The following IL1RAPL1 variants were observed in gnomAD, a reference collection of about 807,000 sequenced individuals.
The protein encoded by IL1RAPL1 is interleukin-1 receptor accessory protein-like 1.
IL1RAPL1 carries 3 observed loss-of-function variants against 48.4 expected under a neutral mutation model. The observed-to-expected ratio is 0.06, with a 90% confidence interval of 0.03 to 0.16. The LOEUF is 0.16. IL1RAPL1 is among the 10% of genes least tolerant of loss of function. IL1RAPL1 has a pLI of 1.00. For missense variants in IL1RAPL1, 349 were observed against 530.6 expected (o/e 0.66, Z 3.36); for synonymous variants, 185 against 187.7 (o/e 0.99, Z 0.12).
intron 2 of IL1RAPL1, among the ~76,000 whole-genome samples, chrX:29,192,200 C>G: frequency 8.9e-6 from 1 of 112,044 alleles, no homozygotes; most frequent in Non-Finnish European, 1.9e-5. Context: ...CAACTTCTTA[C>G]CCCTTTATGC....
chrX:29,406,186 A>G lies in IL1RAPL1; in HGVS notation c.703+6878A>G, dbSNP rs369430500. On this transcript the variant is annotated intron_variant, in intron 5 of 10. Transcript: ENST00000378993. ...GGGCGGATCACAAGGTCAGGAGATC[A>G]AGACCATCCTGGCTAACATGGTGGA... is the stretch of plus-strand genomic sequence containing the variant. Among the ~76,000 whole-genome samples the G allele has an allele frequency of 5.5e-3, 607 of 111,340 alleles. 2 individuals carry two copies. Among genetic ancestry groups the G allele is most frequent in the Middle Eastern group, 9.2e-3 (2 of 218 alleles).
intron 2 of IL1RAPL1, among the ~76,000 whole-genome samples, chrX:29,075,897 G>A (rs924808635): frequency 2.7e-5 from 3 of 111,573 alleles, no homozygotes; most frequent in African/African-American, 9.7e-5. Context: ...TAAAAAGGTC[G>A]TCGTTTGCTT....
intron 2 of IL1RAPL1, among the ~76,000 whole-genome samples, chrX:29,179,786 T>C (rs942745588): frequency 7.2e-5 from 8 of 111,769 alleles, no homozygotes; most frequent in African/African-American, 2.6e-4. Flanking sequence ...TGAGTCCTTA[T>C]AAGAGTACAT....
At chrX:29,529,836 G>A (rs1392132931) in intron 5 of IL1RAPL1, among the ~76,000 whole-genome samples, 1 of 111,465 alleles carries the variant, frequency 9.0e-6, no homozygotes, top group Admixed American at 9.5e-5. Context: ...AGGGAAGAGA[G>A]AATGATAAAG....
At chrX:28,703,974 G>A (rs761779759) in intron 1 of IL1RAPL1, among the ~76,000 whole-genome samples, 1 of 111,721 alleles carries the variant, frequency 9.0e-6, no homozygotes, top group South Asian at 3.7e-4. Context: ...GCTATGAGTG[G>A]TAGAGGCTGT....
intron 2 of IL1RAPL1, among the ~76,000 whole-genome samples, chrX:28,938,823 A>G (rs1483795209): frequency 9.0e-6 from 1 of 110,909 alleles, no homozygotes; most frequent in Non-Finnish European, 1.9e-5. Flanking sequence ...ACTTAAAAAA[A>G]TTTGAAGCAA....
chrX:29,238,335 C>T (rs769690861), intron 2 of IL1RAPL1, among the ~76,000 whole-genome samples: 17 of 111,676 alleles, frequency 1.5e-4, no homozygotes, highest in Non-Finnish European at 2.8e-4. Flanking sequence ...TGAGAGTGGA[C>T]GATTTTGGTT....
chrX:29,608,780 C>T (rs1056983964), intron 5 of IL1RAPL1, among the ~76,000 whole-genome samples: 2 of 105,485 alleles, frequency 1.9e-5, no homozygotes, highest in African/African-American at 7.0e-5. Context: ...GAGCCGAGAT[C>T]TCACCACTGC....
chrX:29,925,406 G>A (rs961439453), intron 8 of IL1RAPL1, among the ~76,000 whole-genome samples: 8 of 21,224 alleles, frequency 3.8e-4, no homozygotes, highest in Non-Finnish European at 7.3e-4. Flanking sequence ...CTTCTGTCCC[G>A]TAACTGTTTT....
chrX:28,838,638 G>A (rs1446777319), intron 2 of IL1RAPL1, among the ~76,000 whole-genome samples: 1 of 110,000 alleles, frequency 9.1e-6, no homozygotes, highest in African/African-American at 3.3e-5. Context: ...ACAAACTCGG[G>A]TTTTTGTCTT....
chrX:29,616,797 A>G (rs1036196147), intron 5 of IL1RAPL1, among the ~76,000 whole-genome samples: 12 of 111,483 alleles, frequency 1.1e-4, no homozygotes, highest in African/African-American at 3.9e-4. Flanking sequence ...CCCACAGTTT[A>G]GGTGGAAAAG....
intron 2 of IL1RAPL1, among the ~76,000 whole-genome samples, chrX:29,129,876 G>A (rs1197036281): frequency 1.8e-5 from 2 of 111,421 alleles, no homozygotes; most frequent in African/African-American, 6.5e-5. Flanking sequence ...TTACAGGCGT[G>A]AGCCACTGCG....
chrX:29,323,711 T>A lies in IL1RAPL1; in HGVS notation c.362+40494T>A, dbSNP rs12834400. ...ACTACCTACCAACTCATACTGAATT[T>A]TTTATATATATATATATATATATAT... On this transcript the variant is annotated intron_variant, in intron 3 of 10. Transcript: ENST00000378993. Among the ~76,000 whole-genome samples the A allele has an allele frequency of 9.3e-3, 119 of 12,766 alleles. 37 individuals are homozygous for A. The highest frequency in any genetic ancestry group is 0.029 in the African/African-American group (105 of 3,588). 11.1% of individuals were successfully genotyped at this position (12,766 alleles called of 115,157 possible).
intron 3 of IL1RAPL1, among the ~76,000 whole-genome samples, chrX:29,393,214 C>T (rs760394222): frequency 7.2e-4 from 80 of 111,841 alleles, no homozygotes; most frequent in Middle Eastern, 4.6e-3. Context: ...CTCCGCCTCC[C>T]GGGTTCACGC....
chrX:29,695,699 C>T (rs191347224), intron 6 of IL1RAPL1, among the ~76,000 whole-genome samples: 11 of 110,042 alleles, frequency 1.0e-4, no homozygotes, highest in South Asian at 4.0e-4. Context: ...TTCATCCTTA[C>T]GTCATAATTA....
intron 5 of IL1RAPL1, among the ~76,000 whole-genome samples, chrX:29,525,862 C>T (rs1405033513): frequency 1.8e-5 from 2 of 111,709 alleles, no homozygotes; most frequent in Non-Finnish European, 3.8e-5. Flanking sequence ...CACATGAAGC[C>T]CCTGACATCT....
intron 1 of IL1RAPL1, among the ~76,000 whole-genome samples, chrX:28,748,580 A>G (rs1470867520): frequency 8.9e-6 from 1 of 112,085 alleles, no homozygotes; most frequent in African/African-American, 3.2e-5. Flanking sequence ...TGATTCATGA[A>G]TTACCAACAA....
intron 1 of IL1RAPL1, among the ~76,000 whole-genome samples, chrX:28,592,934 G>A (rs141327482): frequency 0.025 from 2,786 of 111,499 alleles, 88 homozygotes; most frequent in African/African-American, 0.083. Context: ...ATGTCTTATG[G>A]CAATACTTTA....
chrX:28,619,564 G>A (rs1487106965), intron 1 of IL1RAPL1, among the ~76,000 whole-genome samples: 2 of 96,154 alleles, frequency 2.1e-5, no homozygotes, highest in Admixed American at 2.5e-4. Flanking sequence ...CTGAGATCAC[G>A]ACACTGCATT....
Sources: allele counts gnomAD v4.1 joint callset (sites outside exome capture counted in the v4.1 genomes callset), GRCh38; gene constraint gnomAD v4.1.1; transcripts MANE v1.5; gene names NCBI Gene and HGNC (gene_info 2026-07-23, HGNC 2026-07-21).